COL6A3: variants seen among roughly 807,000 people sequenced by gnomAD.
The protein encoded by COL6A3 is collagen alpha-3(VI) chain.
COL6A3 carries 137 observed loss-of-function variants against 274.1 expected under a neutral mutation model. That is an observed-to-expected ratio of 0.50 (90% CI 0.44 to 0.58). The LOEUF (loss-of-function observed/expected upper bound fraction) is 0.58, where lower values mean the gene tolerates loss of function less well. COL6A3 is among the 20% of genes least tolerant of loss of function. COL6A3 has a pLI of 0.00. For synonymous variants in COL6A3, 1,650 were observed against 1,650.6 expected, an observed-to-expected ratio of 1.00 and a Z score of 0.01; for missense variants, 3,950 against 4,124.9, an observed-to-expected ratio of 0.96 and a Z score of 1.16.
At chr2:237,379,414 G>A (rs1248402308) in intron 5 of COL6A3, among the ~76,000 whole-genome samples, 179 bp from the exon 6 acceptor site, 2 of 152,168 alleles carry the variant, frequency 1.3e-5, no homozygotes, top group Admixed American at 1.3e-4. Flanking sequence ...GGTGGTGGCT[G>A]GTGTTTGTGA....
At chr2:237,351,440 A>G (rs980176685) in intron 26 of COL6A3, among the ~76,000 whole-genome samples, 1 of 152,274 alleles carries the variant, frequency 6.6e-6, no homozygotes, top group Non-Finnish European at 1.5e-5. Context: ...TCACAAATTA[A>G]TGCATGTTGC....
At chr2:237,347,081 C>G (rs567627773) in intron 31 of COL6A3, among the ~76,000 whole-genome samples, 13 of 152,150 alleles carry the variant, frequency 8.5e-5, no homozygotes, top group Admixed American at 7.9e-4. Flanking sequence ...TAATTGAAGA[C>G]TCTGCCATTT....
chr2:237,350,444 G>A (rs2077182198), intron 27 of COL6A3, among the ~76,000 whole-genome samples: 1 of 152,150 alleles, frequency 6.6e-6, no homozygotes, highest in Admixed American at 6.6e-5. Flanking sequence ...CTGATGAGAA[G>A]AGAGAGTAAC....
At position 237,365,739 on chromosome 2, in the gene COL6A3, A is replaced by G; in HGVS notation, c.5797T>C (p.Tyr1933His). ...YVLTEDTLKV[Y>H]LNKFRQSSPD... The stretch of plus-strand genomic sequence containing the variant: ...GAGGACTGTCTGAACTTGTTCAGGT[A>G]GACCTTCAGGGTGTCCTCCGTGAGG... Residue 1933 changes from tyrosine to histidine, a missense_variant, in exon 12 of 44, where the codon TAC (tyrosine) becomes CAC (histidine). Tyr to His is a moderately conservative substitution (Grantham distance 83, BLOSUM62 2). Transcript: ENST00000295550. The G allele has an allele frequency of 6.2e-7, 1 of 1,614,228 alleles. No homozygotes were observed. Among genetic ancestry groups the G allele is most frequent in the Non-Finnish European group, 8.5e-7 (1 of 1,180,032 alleles).
intron 1 of COL6A3, among the ~76,000 whole-genome samples, chr2:237,409,232 A>C (rs2078794126): frequency 6.6e-6 from 1 of 152,178 alleles, no homozygotes; most frequent in Non-Finnish European, 1.5e-5. Context: ...TGCCAACCAG[A>C]AGAGAGGGGG....
chr2:237,391,928 C>A (rs1046244818), intron 3 of COL6A3, among the ~76,000 whole-genome samples: 1 of 152,142 alleles, frequency 6.6e-6, no homozygotes. Context: ...ATTGTAGATA[C>A]CCTCTTGTCA....
chr2:237,352,936 C>T (rs1408681575), intron 25 of COL6A3, among the ~76,000 whole-genome samples: 4 of 152,340 alleles, frequency 2.6e-5, no homozygotes, highest in Admixed American at 2.0e-4. Context: ...ACAGAGTATC[C>T]TTCCATCATG....
chr2:237,344,898 G>A lies in COL6A3; in HGVS notation c.7174+43C>T. 3.7e-6 allele frequency: 6 copies of A among 1,614,044 alleles called. No individual in the cohort carries two copies. The highest frequency in any genetic ancestry group is 5.1e-6 in the Non-Finnish European group (6 of 1,180,018). ...GACAAACTGTACTTACTACAAAAGGGAGGCTTCCTTTCCTTAGGAGAAAGT... is the reference window on the plus strand; with the variant it reads ...GACAAACTGTACTTACTACAAAAGGAAGGCTTCCTTTCCTTAGGAGAAAGT... On this transcript the variant is annotated intron_variant, in intron 35 of 43. Coordinates refer to ENST00000295550, the MANE Select transcript of COL6A3 (RefSeq NM_004369.4). The surrounding 1 kb of genome is among the most constrained non-coding windows in gnomAD (Gnocchi z 4.8).
chr2:237,366,334 T>C (rs1428754366), intron 11 of COL6A3, among the ~76,000 whole-genome samples: 2 of 152,250 alleles, frequency 1.3e-5, no homozygotes, highest in African/African-American at 4.8e-5. Flanking sequence ...CCCAAGTTTG[T>C]GCTTTAAATT....
intron 28 of COL6A3, 65 bp downstream of exon 28, chr2:237,350,082 T>C: frequency 2.7e-6 from 4 of 1,475,612 alleles, no homozygotes; most frequent in Non-Finnish European, 3.8e-6. Flanking sequence ...AACCCTCTCC[T>C]GGCTTCCTGC....
In COL6A3 at chr2:237,344,848, G is replaced by A; in HGVS notation, c.7175-5C>T. The A allele has an allele frequency of 6.2e-7, 1 of 1,613,536 alleles. No homozygotes were observed. Among genetic ancestry groups the A allele is most frequent in the East Asian group, 2.2e-5 (1 of 44,878 alleles). On this transcript the variant is annotated splice_region_variant and splice_polypyrimidine_tract_variant and intron_variant, in intron 35 of 43. Transcript: ENST00000295550. The surrounding 1 kb of genome is among the most constrained non-coding windows in gnomAD (Gnocchi z 4.8). ...AGACGGGGCACTCCAGGGGCCCTGT[G>A]GAAAGTAGAGGGTGGAGGGTTAAAG... is the stretch of plus-strand genomic sequence containing the variant.
chr2:237,382,239 C>T (rs1355623721), intron 4 of COL6A3, among the ~76,000 whole-genome samples: 4 of 151,942 alleles, frequency 2.6e-5, no homozygotes, highest in Non-Finnish European at 4.4e-5. Flanking sequence ...AAAAATTAGC[C>T]GAGCGTGGGG....
intron 8 of COL6A3, among the ~76,000 whole-genome samples, 200 bp from the exon 9 acceptor site, chr2:237,372,537 C>A (rs1035335692): frequency 6.6e-6 from 1 of 152,144 alleles, no homozygotes; most frequent in South Asian, 2.1e-4. Flanking sequence ...ATGAAAAACC[C>A]GACGGAGGCA....
Position 237,353,392 on chromosome 2 carries a change from G to A in COL6A3, c.6639C>T (p.Gly2213=), listed in dbSNP as rs765837100. The change falls in exon 25 of 44, where the codon GGC becomes GGT. Residue 2213 remains glycine (G), a synonymous_variant. Transcript: ENST00000295550. ...RGPPGAKGNK[G]GPGQPGFEGE... The stretch of plus-strand genomic sequence containing the variant: ...CCTCAAAGCCCGGCTGGCCAGGACC[G>A]CCCTTGTTGCCCTTTGAAATAAGAG... 43 of 1,613,920 alleles carry A rather than the reference G, an allele frequency of 2.7e-5. No homozygotes were observed. The highest frequency in any genetic ancestry group is 1.8e-4 in the Admixed American group (11 of 60,010).
Position 237,365,901 on chromosome 2 carries a change from C to T in COL6A3, c.5635G>A (p.Gly1879Ser), listed in dbSNP as rs760603443. The change falls in exon 12 of 44, where the codon GGT becomes AGT. Residue 1879 changes from glycine to serine, a missense_variant. By Grantham distance (56) the Gly-to-Ser change is moderately conservative. Coordinates refer to ENST00000295550, the MANE Select transcript of COL6A3 (RefSeq NM_004369.4). Reference sequence around the variant, plus strand: ...ACACGCACGGTGGGCGAGCGGCCACCGCTGCAGCTGACCCTGTGCATCTGG... The same window carrying T: ...ACACGCACGGTGGGCGAGCGGCCACTGCTGCAGCTGACCCTGTGCATCTGG... Reference protein sequence around the residue: ...ISQMHRVSCSGGRSPTVRVSV... With the variant: ...ISQMHRVSCSSGRSPTVRVSV... The T allele has an allele frequency of 8.1e-5, 130 of 1,614,032 alleles. No homozygotes were observed. Among genetic ancestry groups the T allele is most frequent in the Admixed American group, 1.2e-4 (7 of 60,010 alleles).
chr2:237,335,777 G>A (rs144951002), intron 40 of COL6A3, among the ~76,000 whole-genome samples: 216 of 152,288 alleles, frequency 1.4e-3, no homozygotes, highest in African/African-American at 4.8e-3. Flanking sequence ...CAACTGCAGC[G>A]TTTTTCTTTC....
chr2:237,410,304 T>TC (rs1201214043), intron 1 of COL6A3, among the ~76,000 whole-genome samples: 7 of 150,590 alleles, frequency 4.6e-5, no homozygotes, highest in Admixed American at 3.3e-4. Context: ...TCTTTTCTTT[T>TC]TTTTTTTTTT....
At chr2:237,362,699 T>C (rs1341736756) in intron 14 of COL6A3, among the ~76,000 whole-genome samples, 2 of 152,114 alleles carry the variant, frequency 1.3e-5, no homozygotes, top group Non-Finnish European at 2.9e-5. Flanking sequence ...CCCCACATCT[T>C]CCAAAAGCTC....
intron 6 of COL6A3, among the ~76,000 whole-genome samples, chr2:237,377,583 T>C (rs1460280153): frequency 6.6e-6 from 1 of 152,218 alleles, no homozygotes; most frequent in Non-Finnish European, 1.5e-5. Context: ...GCATCATGCT[T>C]CTTCAATAAA....
Sources: allele counts gnomAD v4.1 joint callset (sites outside exome capture counted in the v4.1 genomes callset), GRCh38; gene constraint gnomAD v4.1.1; non-coding constraint Gnocchi (gnomAD v3.1); transcripts MANE v1.5; gene names NCBI Gene and HGNC (gene_info 2026-07-23, HGNC 2026-07-21).